The following UBE2K variants were observed in gnomAD, a reference collection of about 807,000 sequenced individuals.
The protein encoded by UBE2K is ubiquitin-conjugating enzyme E2 K.
UBE2K carries 6 observed loss-of-function variants against 30.0 expected under a neutral mutation model. That is an observed-to-expected ratio of 0.20 (90% CI 0.11 to 0.39). The LOEUF (loss-of-function observed/expected upper bound fraction) is 0.39, where lower values mean the gene tolerates loss of function less well. Ranked by LOEUF, UBE2K falls within the 10% of genes least tolerant of loss-of-function variation. The pLI is 1.00. For missense variants in UBE2K, 61 were observed against 241.6 expected (o/e 0.25, Z 4.96); for synonymous variants, 86 against 83.7 (o/e 1.03, Z -0.15).
chr4:39,740,537 TCC>T (rs1247631675), intron 2 of UBE2K, among the ~76,000 whole-genome samples: 1 of 142,366 alleles, frequency 7.0e-6, no homozygotes, highest in Non-Finnish European at 1.5e-5. Context: ...CGAGACTCTG[TCC>T]CAAAAAGAAA....
chr4:39,716,997 C>CAAA (rs71194907), intron 1 of UBE2K, among the ~76,000 whole-genome samples: 17 of 34,984 alleles, frequency 4.9e-4, no homozygotes, highest in African/African-American at 9.1e-4. Flanking sequence ...GACTCCATCT[C>CAAA]AAAAAAAAAA....
intron 4 of UBE2K, among the ~76,000 whole-genome samples, chr4:39,764,964 G>A (rs1712221450): frequency 6.6e-6 from 1 of 151,054 alleles, no homozygotes; most frequent in Non-Finnish European, 1.5e-5. Flanking sequence ...TCGGCTGACT[G>A]TAAGCTCCGC....
chr4:39,762,755 C>A (rs1472165852), intron 4 of UBE2K, among the ~76,000 whole-genome samples: 4 of 152,086 alleles, frequency 2.6e-5, no homozygotes, highest in Non-Finnish European at 5.9e-5. Context: ...CTGCCTCATC[C>A]TCCTGAGTAG....
chr4:39,764,959 T>C (rs886324288), intron 4 of UBE2K, among the ~76,000 whole-genome samples: 3 of 152,040 alleles, frequency 2.0e-5, no homozygotes, highest in African/African-American at 7.2e-5. Flanking sequence ...CGATCTCGGC[T>C]GACTGTAAGC....
chr4:39,746,515 T>G (rs1720998094), intron 3 of UBE2K, among the ~76,000 whole-genome samples: 2 of 152,232 alleles, frequency 1.3e-5, no homozygotes, highest in Non-Finnish European at 2.9e-5. Flanking sequence ...ACTGTTGGTC[T>G]AGAAATCTTC....
At chr4:39,719,987 A>G (rs1376844007) in intron 1 of UBE2K, among the ~76,000 whole-genome samples, 2 of 152,232 alleles carry the variant, frequency 1.3e-5, no homozygotes, top group East Asian at 3.8e-4. Flanking sequence ...CCATCTGCCC[A>G]TAGGCACTGT....
rs139543714 is a variant in UBE2K, at chr4:39,726,285, C to T, written c.64-11135C>T. 3.9e-3 allele frequency among the ~76,000 whole-genome samples: 594 copies of T among 152,224 alleles called. 2 individuals are homozygous for T. Among genetic ancestry groups the T allele is most frequent in the African/African-American group, 0.013 (548 of 41,526 alleles). On this transcript the variant is annotated intron_variant, in intron 1 of 6. Transcript: ENST00000261427. ...TGCTGGGATTACAGGCGTGAGCCAT[C>T]GTGCCTGGCCTGTTTTTACTTTTTA...
intron 4 of UBE2K, among the ~76,000 whole-genome samples, chr4:39,771,601 G>T (rs756293462): frequency 6.6e-6 from 1 of 152,196 alleles, no homozygotes; most frequent in Non-Finnish European, 1.5e-5. Context: ...TCGCGCTGGC[G>T]GGGCCGGCTC....
chr4:39,715,710 C>T (rs1025194473), intron 1 of UBE2K, among the ~76,000 whole-genome samples: 2 of 152,078 alleles, frequency 1.3e-5, no homozygotes, highest in African/African-American at 4.8e-5. Context: ...CAGATTTTAT[C>T]TTTTCCTACA....
At chr4:39,742,443 A>G (rs945498377) in intron 2 of UBE2K, among the ~76,000 whole-genome samples, 4 of 152,164 alleles carry the variant, frequency 2.6e-5, no homozygotes, top group Admixed American at 2.0e-4. Context: ...GATTCTATTA[A>G]AAAGAACTAG....
At chr4:39,717,241 T>TC (rs1034882047) in intron 1 of UBE2K, among the ~76,000 whole-genome samples, 5 of 150,996 alleles carry the variant, frequency 3.3e-5, no homozygotes, top group African/African-American at 4.9e-5. Flanking sequence ...TTTCTTTCTT[T>TC]TTTTTTTTTT....
At chr4:39,754,755 C>G (rs1466098882) in intron 3 of UBE2K, among the ~76,000 whole-genome samples, 2 of 152,180 alleles carry the variant, frequency 1.3e-5, no homozygotes, top group African/African-American at 4.8e-5. Flanking sequence ...ATCCTCCCGC[C>G]TCAGCCTCCC....
At chr4:39,711,513 A>G (rs1416459471) in intron 1 of UBE2K, among the ~76,000 whole-genome samples, 1 of 152,002 alleles carries the variant, frequency 6.6e-6, no homozygotes, top group East Asian at 1.9e-4. Context: ...GTTCTTTAAT[A>G]CAGACTATAT....
chr4:39,751,630 G>A (rs897669231), intron 3 of UBE2K, among the ~76,000 whole-genome samples: 4 of 152,146 alleles, frequency 2.6e-5, no homozygotes, highest in African/African-American at 9.7e-5. Flanking sequence ...AGCCGAGATT[G>A]CGCCACTGCA....
chr4:39,709,690 C>T (rs1718567028), intron 1 of UBE2K, among the ~76,000 whole-genome samples: 1 of 151,958 alleles, frequency 6.6e-6, no homozygotes, highest in African/African-American at 2.4e-5. Flanking sequence ...TATATTAATA[C>T]AAAGGAATAT....
At chr4:39,770,675 C>A in intron 4 of UBE2K, 1 of 1,579,706 alleles carries the variant, frequency 6.3e-7, no homozygotes, top group Non-Finnish European at 8.6e-7. Context: ...GCGGTGGGGC[C>A]ACAGTGCTGG....
chr4:39,761,045 C>G (rs961380756), intron 4 of UBE2K: 3 of 152,246 alleles, frequency 2.0e-5, no homozygotes, highest in African/African-American at 7.2e-5. Flanking sequence ...ACTCAGGAGG[C>G]TGAGGCAAGA....
chr4:39,751,815 A>G (rs1407045638), intron 3 of UBE2K, among the ~76,000 whole-genome samples: 1 of 152,130 alleles, frequency 6.6e-6, no homozygotes, highest in Admixed American at 6.6e-5. Flanking sequence ...AAAAATAGAA[A>G]AATTAGTCGG....
chr4:39,710,989 A>G (rs1049191850), intron 1 of UBE2K, among the ~76,000 whole-genome samples: 3 of 151,618 alleles, frequency 2.0e-5, no homozygotes, highest in Admixed American at 1.3e-4. Flanking sequence ...CTTTCTTTCT[A>G]GGAGTATCTG....
Sources: allele counts gnomAD v4.1 joint callset (sites outside exome capture counted in the v4.1 genomes callset), GRCh38; gene constraint gnomAD v4.1.1; transcripts MANE v1.5; gene names NCBI Gene and HGNC (gene_info 2026-07-23, HGNC 2026-07-21).